STXBP6: variants seen among roughly 807,000 people sequenced by gnomAD.
The protein encoded by STXBP6 is syntaxin-binding protein 6.
Under a neutral mutation model 26.9 loss-of-function variants are expected in STXBP6, and 21 were observed. The ratio of observed to expected loss-of-function variants is 0.78; its 90% confidence interval spans 0.55 to 1.12. The LOEUF (loss-of-function observed/expected upper bound fraction) is 1.12, where lower values mean the gene tolerates loss of function less well. Among genes scored for constraint, STXBP6 ranks in the 50% most tolerant of loss-of-function variants. The probability of loss-of-function intolerance (pLI) is 0.00; values close to 1 mark genes in which losing one functional copy is unlikely to be tolerated. For missense variants in STXBP6, 232 were observed against 257.9 expected (o/e 0.90, Z 0.69); for synonymous variants, 97 against 92.6 (o/e 1.05, Z -0.27).
chr14:24,839,028 A>T (rs2068709237), intron 4 of STXBP6, among the ~76,000 whole-genome samples: 1 of 152,226 alleles, frequency 6.6e-6, no homozygotes, highest in Non-Finnish European at 1.5e-5. Context: ...CCAACAGGCC[A>T]TAAAATGAAG....
chr14:25,038,862 G>T (rs2075596566), intron 1 of STXBP6, among the ~76,000 whole-genome samples: 1 of 152,098 alleles, frequency 6.6e-6, no homozygotes, highest in Non-Finnish European at 1.5e-5. Flanking sequence ...ACCAGGGGAG[G>T]AGATGGAGGG....
chr14:24,971,423 T>C lies in STXBP6; in HGVS notation c.154+3242A>G, dbSNP rs143004331. On this transcript the variant is annotated intron_variant, in intron 2 of 5. Transcript: ENST00000323944. ...TCCTAATTTGGACAAAGTTTGCCAG[T>C]TCAAAATGAATAGCTGGTTTTCATC... Among the ~76,000 whole-genome samples the C allele has an allele frequency of 1.5e-3, 234 of 152,332 alleles. 2 individuals carry two copies. The East Asian group carries it at 0.02, about 13-fold the overall frequency.
rs2068679619 is a variant in STXBP6, at chr14:24,838,229, T to G, written c.451+17707A>C. On this transcript the variant is annotated intron_variant, in intron 4 of 5. Coordinates refer to ENST00000323944, the MANE Select transcript of STXBP6 (RefSeq NM_001394410.1). ...TTTTGCCACATTGCCCAGGTTGGTC[T>G]GGAATTCCTGGGCTCAAGCAATCTA... is the stretch of plus-strand genomic sequence containing the variant. Among the ~76,000 whole-genome samples the G allele has an allele frequency of 1.3e-5, 2 of 152,166 alleles. 1 individual carries two copies. Among genetic ancestry groups the G allele is most frequent in the South Asian group, 4.1e-4 (2 of 4,832 alleles).
chr14:25,036,742 G>A (rs1038772240), intron 1 of STXBP6, among the ~76,000 whole-genome samples: 2 of 151,482 alleles, frequency 1.3e-5, no homozygotes, highest in African/African-American at 4.9e-5. Context: ...TGTAGTCCCA[G>A]CTACTCAGGA....
In STXBP6 at chr14:24,856,085, T is replaced by C. The variant is rs761060593; in HGVS notation, c.302A>G (p.Asp101Gly). ...GTCAAAAGCATTTTCAAACAACAAA[T>C]CAAACTCTGCCGAATCCTGGAAAAG... Reference protein sequence around the residue: ...IDPNGDSAEFDLLFENAFDQW... With the variant: ...IDPNGDSAEFGLLFENAFDQW... Residue 101 changes from aspartate to glycine, a missense_variant, in exon 4 of 6, where the codon GAT (aspartate) becomes GGT (glycine). Transcript: ENST00000323944. 6.9e-6 allele frequency: 11 copies of C among 1,599,600 alleles called. No individual in the cohort carries two copies. The Admixed American group carries it at 1.9e-4, about 28-fold the overall frequency.
At chr14:24,909,701 G>A (rs927402683) in intron 2 of STXBP6, among the ~76,000 whole-genome samples, 1 of 151,510 alleles carries the variant, frequency 6.6e-6, no homozygotes, top group Non-Finnish European at 1.5e-5. Context: ...GGATTCCAGA[G>A]CATTGTACTT....
chr14:24,928,177 C>A lies in STXBP6; in HGVS notation c.154+46488G>T, dbSNP rs375760127. Among the ~76,000 whole-genome samples, 3 of 152,232 alleles carry A rather than the reference C, an allele frequency of 2.0e-5. No individual in the cohort carries two copies. The South Asian group carries it at 6.2e-4, about 32-fold the overall frequency. The stretch of plus-strand genomic sequence containing the variant: ...CTTAGGAAACCAGGCCTAATCTATA[C>A]AAATGCACATCATTAACAACTGGAA... On this transcript the variant is annotated intron_variant, in intron 2 of 5. Coordinates refer to ENST00000323944, the MANE Select transcript of STXBP6 (RefSeq NM_001394410.1).
intron 1 of STXBP6, among the ~76,000 whole-genome samples, chr14:24,980,530 A>G (rs1021770529): frequency 2.6e-5 from 4 of 152,240 alleles, no homozygotes; most frequent in African/African-American, 9.6e-5. Flanking sequence ...CAGATATGCT[A>G]TTAGAATAGA....
intron 2 of STXBP6, among the ~76,000 whole-genome samples, chr14:24,893,963 C>A (rs1299749906): frequency 6.6e-6 from 1 of 151,676 alleles, no homozygotes; most frequent in Non-Finnish European, 1.5e-5. Flanking sequence ...AAAATCAGGA[C>A]CAAGGATCAT....
intron 1 of STXBP6, among the ~76,000 whole-genome samples, chr14:25,008,437 GCA>G (rs1200279179): frequency 6.6e-6 from 1 of 152,090 alleles, no homozygotes; most frequent in Middle Eastern, 3.2e-3. Context: ...TGAGCCATGA[GCA>G]CACCACTGCA....
chr14:24,927,355 C>T lies in STXBP6; in HGVS notation c.154+47310G>A, dbSNP rs146547931. Among the ~76,000 whole-genome samples the T allele has an allele frequency of 7.9e-5, 12 of 152,198 alleles. No individual in the cohort carries two copies. In the South Asian group the frequency reaches 8.3e-4, roughly 11 times the overall value. On this transcript the variant is annotated intron_variant, in intron 2 of 5. Coordinates refer to ENST00000323944, the MANE Select transcript of STXBP6 (RefSeq NM_001394410.1). Reference sequence around the variant, plus strand: ...ATGTTAATCTTTGGTTCTCAGTGGCCGACTTTGTTTCCTCCTTGGCCTCTG... The same window carrying T: ...ATGTTAATCTTTGGTTCTCAGTGGCTGACTTTGTTTCCTCCTTGGCCTCTG...
chr14:24,932,948 A>G (rs1000981458), intron 2 of STXBP6, among the ~76,000 whole-genome samples: 1 of 152,192 alleles, frequency 6.6e-6, no homozygotes, highest in Non-Finnish European at 1.5e-5. Flanking sequence ...GGAAATGGTG[A>G]CTGGGCAGCT....
chr14:24,833,363 T>C (rs1052977060), intron 4 of STXBP6, among the ~76,000 whole-genome samples: 12 of 152,236 alleles, frequency 7.9e-5, no homozygotes, highest in African/African-American at 2.9e-4. Context: ...ATTTCTCTAA[T>C]GGAGCATTTA....
chr14:25,035,444 C>T (rs566661393), intron 1 of STXBP6, among the ~76,000 whole-genome samples: 26 of 152,276 alleles, frequency 1.7e-4, no homozygotes, highest in Middle Eastern at 3.4e-3. Flanking sequence ...TTTCTTTTGG[C>T]AGGAAGTCAA....
At chr14:24,974,554 G>C in intron 2 of STXBP6, 111 bp downstream of exon 2, 1 of 929,558 alleles carries the variant, frequency 1.1e-6, no homozygotes, top group Non-Finnish European at 1.5e-6. Context: ...AAAGGAGCAA[G>C]ACAGTGCAGA....
chr14:25,020,626 T>G (rs1361921337), intron 1 of STXBP6, among the ~76,000 whole-genome samples: 1 of 152,128 alleles, frequency 6.6e-6, no homozygotes, highest in East Asian at 1.9e-4. Flanking sequence ...CTGAGACACC[T>G]ACCACCCATC....
intron 4 of STXBP6, among the ~76,000 whole-genome samples, chr14:24,848,056 TC>T (rs1385383043): frequency 1.3e-5 from 2 of 152,146 alleles, no homozygotes; most frequent in Non-Finnish European, 2.9e-5. Context: ...TTAGGAAAGC[TC>T]AAGAATATTC....
intron 4 of STXBP6, among the ~76,000 whole-genome samples, chr14:24,841,712 T>G (rs2068789880): frequency 6.6e-6 from 1 of 152,216 alleles, no homozygotes; most frequent in African/African-American, 2.4e-5. Flanking sequence ...ATGAGTCTAT[T>G]TCAGAGACTA....
intron 2 of STXBP6, among the ~76,000 whole-genome samples, chr14:24,920,952 A>C (rs1307091956): frequency 6.6e-6 from 1 of 152,090 alleles, no homozygotes; most frequent in Non-Finnish European, 1.5e-5. Context: ...AGATCTAGAA[A>C]TCTGGTGTGT....
Sources: gnomAD v4.1 joint callset for allele counts (sites outside exome capture counted in the v4.1 genomes callset) on GRCh38, gnomAD v4.1.1 for gene constraint, MANE v1.5 for transcripts, NCBI Gene and HGNC (gene_info 2026-07-23, HGNC 2026-07-21) for gene names.